Variants in PTCSC3 observed in about 807,000 individuals in gnomAD.
The protein encoded by PTCSC3 is papillary thyroid carcinoma susceptibility candidate 3 (non-protein coding).
chr14:36,173,888 A>G lies in PTCSC3; in HGVS notation n.171+2410T>C, dbSNP rs12100612. Among the ~76,000 whole-genome samples, 1,070 of 152,190 alleles carry G rather than the reference A, an allele frequency of 7.0e-3. 10 individuals carry two copies. The highest frequency in any genetic ancestry group is 0.023 in the African/African-American group (972 of 41,524). On this transcript the variant is annotated intron_variant and non_coding_transcript_variant, in intron 1 of 3. Coordinates refer to ENST00000556013, the Ensembl canonical transcript of PTCSC3. ...TGAGATGACAGTTTTTTCTTTCAGT[A>G]CTTTAAGAAAGTCATTTCATTGTCT...
At chr14:36,137,811 C>T (rs1038400902) in intron 3 of PTCSC3, among the ~76,000 whole-genome samples, 1 of 152,098 alleles carries the variant, frequency 6.6e-6, no homozygotes, top group Non-Finnish European at 1.5e-5. Flanking sequence ...ATACTTATAT[C>T]TTAATATGTG....
chr14:36,144,267 G>T (rs906576158), intron 3 of PTCSC3, among the ~76,000 whole-genome samples: 1 of 147,936 alleles, frequency 6.8e-6, no homozygotes, highest in Non-Finnish European at 1.5e-5. Flanking sequence ...CCATTTTCAC[G>T]ATATTGATTC....
At chr14:36,145,281 A>T (rs372243658) in intron 3 of PTCSC3, among the ~76,000 whole-genome samples, 9 of 150,776 alleles carry the variant, frequency 6.0e-5, no homozygotes, top group Admixed American at 5.3e-4. Context: ...CTGTGAATCC[A>T]TCTGGTCCTG....
At chr14:36,135,181 T>C (rs950330907), downstream of PTCSC3, among the ~76,000 whole-genome samples, 1 of 152,202 alleles carries the variant, frequency 6.6e-6, no homozygotes, top group Admixed American at 6.5e-5. Context: ...AAGTTTACTT[T>C]ATAATGAAAA....
intron 3 of PTCSC3, among the ~76,000 whole-genome samples, chr14:36,149,414 T>C (rs766187432): frequency 3.3e-5 from 5 of 152,234 alleles, no homozygotes; most frequent in Non-Finnish European, 5.9e-5. Context: ...TCTATCTTGG[T>C]GAATGTTCCC....
chr14:36,164,720 C>T (rs1180968117), intron 1 of PTCSC3, among the ~76,000 whole-genome samples: 3 of 152,186 alleles, frequency 2.0e-5, no homozygotes, highest in Non-Finnish European at 4.4e-5. Context: ...ATGTCCCCAT[C>T]CCTTTACATT....
intron 3 of PTCSC3, among the ~76,000 whole-genome samples, chr14:36,142,140 A>G (rs1881437201): frequency 6.6e-6 from 1 of 152,176 alleles, no homozygotes; most frequent in African/African-American, 2.4e-5. Context: ...ACCATTAAGT[A>G]TGATGTTAGC....
chr14:36,162,241 G>A (rs1276781182), intron 2 of PTCSC3, among the ~76,000 whole-genome samples: 1 of 142,190 alleles, frequency 7.0e-6, no homozygotes, highest in East Asian at 2.0e-4. Context: ...TGGCGTTCCA[G>A]GAGCTGCTGG....
intron 3 of PTCSC3, among the ~76,000 whole-genome samples, chr14:36,144,306 C>T (rs868198993): frequency 5.9e-4 from 87 of 147,364 alleles, no homozygotes; most frequent in Middle Eastern, 3.5e-3. Context: ...GAATGTTCTT[C>T]CATTTGTTTG....
chr14:36,163,168 T>C (rs543654995), intron 1 of PTCSC3, among the ~76,000 whole-genome samples: 1 of 151,532 alleles, frequency 6.6e-6, no homozygotes, highest in East Asian at 1.9e-4. Flanking sequence ...AGCCTAGGGG[T>C]CTGAAGCCAG....
chr14:36,136,960 A>C (rs562819722), intron 3 of PTCSC3, among the ~76,000 whole-genome samples: 75 of 152,332 alleles, frequency 4.9e-4, no homozygotes, highest in African/African-American at 1.8e-3. Context: ...GCATCAAACA[A>C]CACAAAGTCC....
At chr14:36,153,971 G>A (rs944859324) in intron 2 of PTCSC3, 2 of 151,878 alleles carry the variant, frequency 1.3e-5, no homozygotes, top group African/African-American at 4.8e-5. Flanking sequence ...AAGCTGAGGT[G>A]GTATGGGTCA....
intron 3 of PTCSC3, among the ~76,000 whole-genome samples, chr14:36,152,524 C>T (rs1334941523): frequency 6.6e-6 from 1 of 152,032 alleles, no homozygotes; most frequent in Non-Finnish European, 1.5e-5. Flanking sequence ...ATTCACAATA[C>T]AAATAAGAAC....
chr14:36,152,679 A>C (rs1457245255), intron 3 of PTCSC3, among the ~76,000 whole-genome samples: 3 of 152,056 alleles, frequency 2.0e-5, no homozygotes. Flanking sequence ...GATCACCTGA[A>C]GTTCAGGAGT....
exon 1 of PTCSC3, chr14:36,176,405 A>T (rs1450836259): frequency 6.6e-6 from 1 of 151,814 alleles, no homozygotes; most frequent in East Asian, 1.9e-4. Context: ...GTCTTCACTC[A>T]CAGGCAGAGT....
chr14:36,143,933 T>G (rs1195218025), intron 3 of PTCSC3, among the ~76,000 whole-genome samples: 1 of 151,902 alleles, frequency 6.6e-6, no homozygotes, highest in African/African-American at 2.4e-5. Flanking sequence ...CCCCATTGCT[T>G]GTTTTTCTCA....
At chr14:36,169,640 TG>T (rs1882158054) in intron 1 of PTCSC3, among the ~76,000 whole-genome samples, 1 of 152,176 alleles carries the variant, frequency 6.6e-6, no homozygotes, top group Non-Finnish European at 1.5e-5. Context: ...CCTATCAATC[TG>T]GTTGTGTTTA....
At chr14:36,174,533 A>G (rs1247539704) in intron 1 of PTCSC3, among the ~76,000 whole-genome samples, 2 of 152,110 alleles carry the variant, frequency 1.3e-5, no homozygotes, top group African/African-American at 4.8e-5. Context: ...TGGACAACAC[A>G]CTGTAGATAG....
chr14:36,147,758 T>A lies in PTCSC3; in HGVS notation n.322+6046A>T, dbSNP rs1338061079. On this transcript the variant is annotated intron_variant and non_coding_transcript_variant, in intron 3 of 3. Coordinates refer to ENST00000556013, the Ensembl canonical transcript of PTCSC3. ...GCGCTCTGCTTTTTAGAGTTTCCAGTTTTTCTGTTCTGTTTTTTCCCCATC... is the reference window on the plus strand; with the variant it reads ...GCGCTCTGCTTTTTAGAGTTTCCAGATTTTCTGTTCTGTTTTTTCCCCATC... Among the ~76,000 whole-genome samples the A allele has an allele frequency of 3.9e-5, 6 of 152,028 alleles. No individual in the cohort carries two copies. The East Asian group carries it at 9.7e-4, about 24-fold the overall frequency.
Sources: allele counts gnomAD v4.1 joint callset (sites outside exome capture counted in the v4.1 genomes callset), GRCh38; gene constraint gnomAD v4.1.1; transcripts MANE v1.5; gene names NCBI Gene and HGNC (gene_info 2026-07-23, HGNC 2026-07-21).